The following STEAP2 variants were observed in gnomAD, a reference collection of about 807,000 sequenced individuals.
The protein encoded by STEAP2 is STEAP2 metalloreductase.
Under a neutral mutation model 46.4 loss-of-function variants are expected in STEAP2, and 30 were observed. The ratio of observed to expected loss-of-function variants is 0.65; its 90% confidence interval spans 0.48 to 0.88. STEAP2 has a LOEUF of 0.88. Ranked by LOEUF, STEAP2 falls within the 40% of genes least tolerant of loss-of-function variation. STEAP2 has a pLI of 0.00. For synonymous variants in STEAP2, 180 were observed against 200.5 expected (o/e 0.90, Z 0.86); for missense variants, 513 against 579.3 (o/e 0.89, Z 1.18).
intron 4 of STEAP2, among the ~76,000 whole-genome samples, chr7:90,228,753 T>C (rs1392526408): frequency 6.6e-6 from 1 of 152,164 alleles, no homozygotes; most frequent in Non-Finnish European, 1.5e-5. Context: ...GATTTGAGCC[T>C]AGACATTGTG....
chr7:90,230,966 T>C (rs1451951430), intron 5 of STEAP2, among the ~76,000 whole-genome samples: 1 of 151,942 alleles, frequency 6.6e-6, no homozygotes, highest in Non-Finnish European at 1.5e-5. Context: ...AGTTTAATCA[T>C]ACCCGAAAAG....
At chr7:90,231,304 T>TA (rs1171467846) in intron 5 of STEAP2, among the ~76,000 whole-genome samples, 1 of 151,930 alleles carries the variant, frequency 6.6e-6, no homozygotes, top group Non-Finnish European at 1.5e-5. Context: ...AGTGTGTATA[T>TA]ATGTGTGTGT....
chr7:90,227,934 G>A (rs530818932), intron 4 of STEAP2, among the ~76,000 whole-genome samples: 6 of 152,112 alleles, frequency 3.9e-5, no homozygotes, highest in South Asian at 2.1e-4. Flanking sequence ...GAAAAAAGTC[G>A]AATACACCTC....
At chr7:90,214,748 C>A (rs1318425109) in intron 1 of STEAP2, among the ~76,000 whole-genome samples, 1 of 152,082 alleles carries the variant, frequency 6.6e-6, no homozygotes, top group African/African-American at 2.4e-5. Context: ...GTCAACGGAT[C>A]AGATTTCTTT....
Position 90,230,006 on chromosome 7 carries a change from T to G in STEAP2, c.1155T>G (p.Ala385=). Residue 385 remains alanine (A), a synonymous_variant, in exon 5 of 6, where the codon GCT becomes GCG. Transcript: ENST00000394621. ...CTTCTATCCCTTCAGTGAGCAATGC[T>G]TTAAACTGGAGAGAATTCAGTTTTA... ...AVTSIPSVSN[A]LNWREFSFIQ... 6.2e-7 allele frequency: 1 copy of G among 1,613,264 alleles called. No individual in the cohort carries two copies. Among genetic ancestry groups the G allele is most frequent in the Non-Finnish European group, 8.5e-7 (1 of 1,179,432 alleles).
chr7:90,235,003 G>T lies in STEAP2; in HGVS notation c.*2379G>T. 1 of 964,188 alleles carries T rather than the reference G, an allele frequency of 1.0e-6. No homozygotes were observed. Among genetic ancestry groups the T allele is most frequent in the African/African-American group, 1.8e-5 (1 of 56,882 alleles). 59.7% of individuals were successfully genotyped at this position (964,188 alleles called of 1,614,324 possible). A position where few individuals can be genotyped will look rare whatever the true frequency, so the allele number is the denominator to read the frequency against. ...AAACATTCTATTATAGTGAACTAATGAAAATAACAGCGTATTTTCAATATT... is the reference window on the plus strand; with the variant it reads ...AAACATTCTATTATAGTGAACTAATTAAAATAACAGCGTATTTTCAATATT... On this transcript the variant is annotated 3_prime_UTR_variant, in exon 6 of 6. Transcript: ENST00000394621.
chr7:90,222,664 C>A (rs995145224), intron 2 of STEAP2, among the ~76,000 whole-genome samples: 1 of 152,082 alleles, frequency 6.6e-6, no homozygotes, highest in Non-Finnish European at 1.5e-5. Flanking sequence ...TACATAAAAA[C>A]CACAAGAGAG....
chr7:90,212,841 A>G (rs1467175441), intron 1 of STEAP2, among the ~76,000 whole-genome samples: 1 of 42,580 alleles, frequency 2.3e-5, no homozygotes, highest in African/African-American at 9.4e-5. Context: ...CCCACCCCCA[A>G]CCTCCTGACT....
intron 3 of STEAP2, among the ~76,000 whole-genome samples, chr7:90,226,498 TTA>T (rs1179546243): frequency 6.6e-6 from 1 of 152,174 alleles, no homozygotes; most frequent in Non-Finnish European, 1.5e-5. Flanking sequence ...TCATAAATGA[TTA>T]TATAATATTC....
In STEAP2 at chr7:90,235,168, C is replaced by A. The variant is rs563628314; in HGVS notation, c.*2544C>A. ...GTAGCCGATACTCTAAATAAAAATA[C>A]CACTGTTACAGATAAATGGGGCCTT... is the stretch of plus-strand genomic sequence containing the variant. On this transcript the variant is annotated 3_prime_UTR_variant, in exon 6 of 6. Coordinates refer to ENST00000394621, the MANE Select transcript of STEAP2 (RefSeq NM_001244944.2). The A allele has an allele frequency of 4.6e-5, 44 of 965,080 alleles. No homozygotes were observed. In the South Asian group the frequency reaches 1.7e-3, roughly 38 times the overall value. The allele number at this position is 965,080 out of a possible 1,614,324, so 59.8% of individuals were successfully genotyped here. A position where few individuals can be genotyped will look rare whatever the true frequency, so the allele number is the denominator to read the frequency against.
At chr7:90,220,619 T>G (rs949841659) in intron 2 of STEAP2, among the ~76,000 whole-genome samples, 7 of 152,168 alleles carry the variant, frequency 4.6e-5, no homozygotes, top group Non-Finnish European at 8.8e-5. Flanking sequence ...TAAGTCCCAA[T>G]TTGTCTAGTT....
intron 4 of STEAP2, among the ~76,000 whole-genome samples, chr7:90,229,421 T>C (rs1795641867): frequency 6.6e-6 from 1 of 152,164 alleles, no homozygotes; most frequent in Non-Finnish European, 1.5e-5. Flanking sequence ...TGACATAGTT[T>C]AGAAATTCCC....
Position 90,235,956 on chromosome 7 carries a change from C to T in STEAP2, c.*3332C>T, listed in dbSNP as rs148108226. 1.4e-4 allele frequency: 139 copies of T among 984,102 alleles called. No individual in the cohort carries two copies. The African/African-American group carries it at 2.2e-3, about 16-fold the overall frequency. The allele number at this position is 984,102 out of a possible 1,614,324, so 61.0% of individuals were successfully genotyped here. A position where few individuals can be genotyped will look rare whatever the true frequency, so the allele number is the denominator to read the frequency against. The stretch of plus-strand genomic sequence containing the variant: ...ACTACCTGATTAATTTCTTATAAAG[C>T]AGCATAACCTTGGCTTGATTAAGGA... On this transcript the variant is annotated 3_prime_UTR_variant, in exon 6 of 6. Transcript: ENST00000394621.
downstream of STEAP2, among the ~76,000 whole-genome samples, chr7:90,239,999 C>T (rs537790047): frequency 8.5e-5 from 13 of 152,142 alleles, no homozygotes; most frequent in Non-Finnish European, 1.6e-4. Context: ...AGGCTGGGAG[C>T]GGTGGCTCAC....
rs144273394 is a variant in STEAP2, at chr7:90,218,249, G to T, written c.-34+1646G>T. On this transcript the variant is annotated intron_variant, in intron 2 of 5. Transcript: ENST00000394621. ...CATTCTGTTGATTGTTTCCTTTGCT[G>T]CACGGAAGTCTTTTAGTTTAATATA... is the stretch of plus-strand genomic sequence containing the variant. Among the ~76,000 whole-genome samples, 1,166 of 152,054 alleles carry T rather than the reference G, an allele frequency of 7.7e-3. 11 individuals carry two copies. Among genetic ancestry groups the T allele is most frequent in the Non-Finnish European group, 0.013 (858 of 67,972 alleles).
At chr7:90,223,474 C>T (rs1326324951) in intron 2 of STEAP2, among the ~76,000 whole-genome samples, 1 of 152,192 alleles carries the variant, frequency 6.6e-6, no homozygotes, top group East Asian at 1.9e-4. Context: ...CTTTTACAGA[C>T]AATAGTGGCT....
Position 90,234,497 on chromosome 7 carries a change from CTT to C in STEAP2, c.*1874_*1875del. On this transcript the variant is annotated 3_prime_UTR_variant, in exon 6 of 6. Coordinates refer to ENST00000394621, the MANE Select transcript of STEAP2 (RefSeq NM_001244944.2). ...ACTGCCTTGTCAGTTTGGTAATTCACTTATGATTTTCTAATGTTCTCTTGGTG... is the reference window on the plus strand; with the variant it reads ...ACTGCCTTGTCAGTTTGGTAATTCACATGATTTTCTAATGTTCTCTTGGTG... 1.0e-6 allele frequency: 1 copy of C among 973,558 alleles called. No individual in the cohort carries two copies. Among genetic ancestry groups the C allele is most frequent in the Non-Finnish European group, 1.2e-6 (1 of 820,828 alleles). 60.3% of individuals were successfully genotyped at this position (973,558 alleles called of 1,614,324 possible). A position where few individuals can be genotyped will look rare whatever the true frequency, so the allele number is the denominator to read the frequency against.
chr7:90,230,278 AAAAAAGTTATCTT>A (rs1404319316), intron 5 of STEAP2, among the ~76,000 whole-genome samples: 1 of 151,972 alleles, frequency 6.6e-6, no homozygotes, highest in Non-Finnish European at 1.5e-5. Context: ...TGTTAAGAAC[AAAAAAGTTATCTT>A]AAAAGAGAAA....
In STEAP2 at chr7:90,237,071, C is replaced by T; in HGVS notation, c.*4447C>T. On this transcript the variant is annotated 3_prime_UTR_variant, in exon 6 of 6. Transcript: ENST00000394621. ...CTCCTCAAAGGAAGGCAGCATGTGT[C>T]CTTTTTCATCCCTTCATCTTGCTGC... 1 of 995,534 alleles carries T rather than the reference C, an allele frequency of 1.0e-6. No homozygotes were observed. The highest frequency in any genetic ancestry group is 1.5e-6 in the Non-Finnish European group (1 of 671,206). 61.7% of individuals were successfully genotyped at this position (995,534 alleles called of 1,614,324 possible). A position where few individuals can be genotyped will look rare whatever the true frequency, so the allele number is the denominator to read the frequency against.
Sources: allele counts gnomAD v4.1 joint callset (sites outside exome capture counted in the v4.1 genomes callset), GRCh38; gene constraint gnomAD v4.1.1; transcripts MANE v1.5; gene names NCBI Gene and HGNC (gene_info 2026-07-23, HGNC 2026-07-21).